ANKRD13C: variants seen among roughly 807,000 people sequenced by gnomAD.
ANKRD13C encodes the protein ankyrin repeat domain-containing protein 13C.
Under a neutral mutation model 65.5 loss-of-function variants are expected in ANKRD13C, and 16 were observed. The ratio of observed to expected loss-of-function variants is 0.24; its 90% CI spans 0.17 to 0.37. The LOEUF (loss-of-function observed/expected upper bound fraction) is 0.37, where lower values mean the gene tolerates loss of function less well. Among genes scored for constraint, ANKRD13C ranks in the 10% least tolerant of loss-of-function variants. The pLI, the probability that ANKRD13C is intolerant of heterozygous loss-of-function variation, is 1.00. For missense variants in ANKRD13C, 503 were observed against 655.9 expected (o/e 0.77, Z 2.55); for synonymous variants, 235 against 238.7 (o/e 0.98, Z 0.14).
intron 7 of ANKRD13C, among the ~76,000 whole-genome samples, chr1:70,298,545 T>C (rs1680192882): frequency 6.6e-6 from 1 of 152,178 alleles, no homozygotes; most frequent in Non-Finnish European, 1.5e-5. Context: ...ACCTTAAAAC[T>C]GGTACCCTTA....
intron 3 of ANKRD13C, among the ~76,000 whole-genome samples, chr1:70,316,653 A>T (rs1681085821): frequency 6.6e-6 from 1 of 152,162 alleles, no homozygotes; most frequent in African/African-American, 2.4e-5. Context: ...ACTGCACTCC[A>T]GCCTGGGTGA....
chr1:70,324,150 A>G (rs1225461987), intron 3 of ANKRD13C, among the ~76,000 whole-genome samples: 8 of 152,194 alleles, frequency 5.3e-5, no homozygotes, highest in Admixed American at 5.2e-4. Context: ...AACGTTTTTT[A>G]TTTCCTTCCA....
chr1:70,350,001 G>A (rs555784236), intron 1 of ANKRD13C, among the ~76,000 whole-genome samples: 21 of 152,158 alleles, frequency 1.4e-4, no homozygotes, highest in East Asian at 3.9e-4. Context: ...AAAATTAGCC[G>A]GTGTGGTGGT....
intron 10 of ANKRD13C, among the ~76,000 whole-genome samples, chr1:70,276,203 T>C (rs1409599491): frequency 6.6e-6 from 1 of 152,198 alleles, no homozygotes; most frequent in Non-Finnish European, 1.5e-5. Flanking sequence ...ATCATTCTTT[T>C]AGTCAATAAA....
At chr1:70,289,128 A>AACT (rs1679747722) in intron 9 of ANKRD13C, among the ~76,000 whole-genome samples, 1 of 152,234 alleles carries the variant, frequency 6.6e-6, no homozygotes. Context: ...CCTATGGTTT[A>AACT]TATGGGAAGT....
Position 70,260,916 on chromosome 1 carries a change from C to T in ANKRD13C, c.*1801G>A, listed in dbSNP as rs1368565318. The T allele has an allele frequency of 6.6e-6, 1 of 151,962 alleles. No homozygotes were observed. Among genetic ancestry groups the T allele is most frequent in the Non-Finnish European group, 1.5e-5 (1 of 67,924 alleles). 9.4% of individuals were successfully genotyped at this position (151,962 alleles called of 1,614,324 possible). A position where few individuals can be genotyped will look rare whatever the true frequency, so the allele number is the denominator to read the frequency against. On this transcript the variant is annotated 3_prime_UTR_variant, in exon 13 of 13. Transcript: ENST00000370944. ...CTTATGAAAACATATATAGCATATT[C>T]CTGAAAGTATACCATATTCCTACAA...
Position 70,259,027 on chromosome 1 carries a change from T to C in ANKRD13C, c.*3690A>G, listed in dbSNP as rs1678315772. On this transcript the variant is annotated 3_prime_UTR_variant, in exon 13 of 13. Coordinates refer to ENST00000370944, the MANE Select transcript of ANKRD13C (RefSeq NM_030816.5). ...TCTCGGAGCAATAGGCTTTATTGTATAGTCTAGGTGAGTGGTATGCTATAC... is the reference window on the plus strand; with the variant it reads ...TCTCGGAGCAATAGGCTTTATTGTACAGTCTAGGTGAGTGGTATGCTATAC... Among the ~76,000 whole-genome samples, 1 of 152,298 alleles carries C rather than the reference T, an allele frequency of 6.6e-6. No homozygotes were observed. Among genetic ancestry groups the C allele is most frequent in the Non-Finnish European group, 1.5e-5 (1 of 68,012 alleles).
At chr1:70,296,626 GA>G (rs564662515) in intron 7 of ANKRD13C, among the ~76,000 whole-genome samples, 16 of 151,990 alleles carry the variant, frequency 1.1e-4, no homozygotes, top group Non-Finnish European at 1.8e-4. Flanking sequence ...ACAGATCTGA[GA>G]AAAAAACCCA....
intron 3 of ANKRD13C, among the ~76,000 whole-genome samples, chr1:70,319,173 G>C (rs1420340542): frequency 6.6e-6 from 1 of 152,122 alleles, no homozygotes; most frequent in Non-Finnish European, 1.5e-5. Context: ...AAGTCTTCTG[G>C]GGTTTTGCAG....
chr1:70,349,255 C>A (rs750196347), intron 1 of ANKRD13C, among the ~76,000 whole-genome samples: 1 of 152,054 alleles, frequency 6.6e-6, no homozygotes, highest in Non-Finnish European at 1.5e-5. Flanking sequence ...GGCTTAGATT[C>A]AATCTTTTAA....
intron 11 of ANKRD13C, among the ~76,000 whole-genome samples, chr1:70,273,947 C>T (rs1319192762): frequency 1.3e-5 from 2 of 151,742 alleles, no homozygotes; most frequent in Non-Finnish European, 2.9e-5. Flanking sequence ...TGAGCCACCA[C>T]GCCCAGCCAA....
At chr1:70,278,475 C>T (rs1679241267) in intron 9 of ANKRD13C, among the ~76,000 whole-genome samples, 1 of 147,604 alleles carries the variant, frequency 6.8e-6, no homozygotes, top group Admixed American at 6.7e-5. Context: ...GACCCAAGAT[C>T]ACACCACTGC....
At chr1:70,286,460 A>T (rs948989180) in intron 9 of ANKRD13C, among the ~76,000 whole-genome samples, 1 of 151,800 alleles carries the variant, frequency 6.6e-6, no homozygotes, top group Non-Finnish European at 1.5e-5. Flanking sequence ...AATAAGACTA[A>T]TTTTTTTTTA....
At chr1:70,288,750 G>C (rs1679731697) in intron 9 of ANKRD13C, among the ~76,000 whole-genome samples, 1 of 152,136 alleles carries the variant, frequency 6.6e-6, no homozygotes, top group African/African-American at 2.4e-5. Flanking sequence ...AGAGGCTAAG[G>C]GGGCAGCAAA....
At position 70,339,684 on chromosome 1, in the gene ANKRD13C, T is replaced by C. The variant is rs1682216752; in HGVS notation, c.431-3585A>G. Among the ~76,000 whole-genome samples the C allele has an allele frequency of 2.0e-5, 3 of 152,030 alleles. No individual in the cohort carries two copies. In the South Asian group the frequency reaches 6.2e-4, roughly 31 times the overall value. ...TTCTAGCATTGTTTATCTCTTTTCA[T>C]TTATTGGCATAAAATTTGTTCAAAA... On this transcript the variant is annotated intron_variant, in intron 1 of 12. Transcript: ENST00000370944.
intron 9 of ANKRD13C, among the ~76,000 whole-genome samples, chr1:70,289,972 C>A (rs906770131): frequency 6.6e-6 from 1 of 152,160 alleles, no homozygotes; most frequent in African/African-American, 2.4e-5. Flanking sequence ...ATCTCCATTT[C>A]TATTTCCTGA....
At chr1:70,334,307 C>T (rs112365848) in intron 2 of ANKRD13C, among the ~76,000 whole-genome samples, 11 of 152,082 alleles carry the variant, frequency 7.2e-5, no homozygotes, top group South Asian at 2.1e-4. Flanking sequence ...GTTTGGGCAA[C>T]GGAGCAAGAC....
chr1:70,313,723 C>T (rs1050846866), intron 5 of ANKRD13C, 22 bp downstream of exon 5: 4 of 1,575,022 alleles, frequency 2.5e-6, no homozygotes, highest in Non-Finnish European at 3.5e-6. Context: ...ATATTTTATA[C>T]TAAAACATAG....
chr1:70,273,162 C>A (rs961902630), intron 11 of ANKRD13C, among the ~76,000 whole-genome samples: 7 of 152,176 alleles, frequency 4.6e-5, no homozygotes, highest in African/African-American at 1.7e-4. Flanking sequence ...CTGTATAGAA[C>A]AATCTATCTA....
Sources: allele counts gnomAD v4.1 joint callset (sites outside exome capture counted in the v4.1 genomes callset), GRCh38; gene constraint gnomAD v4.1.1; transcripts MANE v1.5; gene names NCBI Gene and HGNC (gene_info 2026-07-23, HGNC 2026-07-21).